Variants in RGS7 observed in about 807,000 individuals in gnomAD.
RGS7 encodes regulator of G protein signaling 7, also known as regulator of G-protein signaling 7.
A neutral mutation model predicts 81.1 loss-of-function variants in RGS7; 27 were observed. The observed-to-expected ratio is 0.33, with a 90% CI of 0.25 to 0.46. The LOEUF is 0.46. Ranked by LOEUF, RGS7 falls within the 20% of genes least tolerant of loss-of-function variation. The pLI is 1.00. For missense variants in RGS7, 396 were observed against 607.4 expected (o/e 0.65, Z 3.66); for synonymous variants, 208 against 207.7 (o/e 1.00, Z -0.01).
intron 2 of RGS7, among the ~76,000 whole-genome samples, chr1:241,189,582 G>A (rs180924109): frequency 1.6e-4 from 24 of 152,246 alleles, no homozygotes; most frequent in Admixed American, 7.9e-4. Context: ...TCAAGTCTTA[G>A]AGCTATTTGC....
At chr1:241,142,461 T>G (rs1298539589) in intron 2 of RGS7, among the ~76,000 whole-genome samples, 1 of 152,188 alleles carries the variant, frequency 6.6e-6, no homozygotes, top group African/African-American at 2.4e-5. Context: ...TTCCCAAACC[T>G]CAATTCTTGA....
intron 3 of RGS7, among the ~76,000 whole-genome samples, chr1:241,093,781 G>A (rs989677036): frequency 6.6e-6 from 1 of 152,026 alleles, no homozygotes; most frequent in East Asian, 1.9e-4. Flanking sequence ...CTCCAGAGTG[G>A]CATTTCATCA....
At chr1:241,073,718 G>C (rs1302439795) in intron 3 of RGS7, among the ~76,000 whole-genome samples, 1 of 152,080 alleles carries the variant, frequency 6.6e-6, no homozygotes, top group African/African-American at 2.4e-5. Context: ...ACAGAAACCT[G>C]ATTACAGTCA....
chr1:241,316,451 C>A (rs1440255634), intron 2 of RGS7, among the ~76,000 whole-genome samples: 2 of 152,170 alleles, frequency 1.3e-5, no homozygotes, highest in Non-Finnish European at 2.9e-5. Flanking sequence ...CATAGGGTAG[C>A]CAGTAATCAG....
rs539303506 is a variant in RGS7 at position 241,222,562 on chromosome 1, T to C, written c.79-123800A>G. On this transcript the variant is annotated intron_variant, in intron 2 of 18. Transcript: ENST00000440928. ...TTTTCTGGCCTCAAAGCAGAGCTCT[T>C]GAGCTATATAATTATCGTTATTATT... Among the ~76,000 whole-genome samples the C allele has an allele frequency of 1.4e-4, 22 of 152,308 alleles. No individual in the cohort carries two copies. In the South Asian group the frequency reaches 4.6e-3, roughly 32 times the overall value.
chr1:240,882,209 C>G (rs1253781936), intron 6 of RGS7, among the ~76,000 whole-genome samples: 1 of 152,180 alleles, frequency 6.6e-6, no homozygotes, highest in Admixed American at 6.5e-5. Context: ...GCCACCGTGC[C>G]CGGCCTGTGC....
At chr1:240,804,444 A>AT (rs991129440) in intron 15 of RGS7, among the ~76,000 whole-genome samples, 10 of 148,686 alleles carry the variant, frequency 6.7e-5, no homozygotes, top group African/African-American at 2.6e-4. Flanking sequence ...TTACGATCAG[A>AT]TTTTTTTTAA....
intron 2 of RGS7, among the ~76,000 whole-genome samples, chr1:241,117,925 A>G (rs2065983320): frequency 6.6e-6 from 1 of 152,148 alleles, no homozygotes; most frequent in African/African-American, 2.4e-5. Flanking sequence ...GACTAACACA[A>G]TCCTTACCTG....
chr1:240,814,506 A>G (rs1690453579), intron 12 of RGS7, among the ~76,000 whole-genome samples: 1 of 152,218 alleles, frequency 6.6e-6, no homozygotes, highest in Non-Finnish European at 1.5e-5. Flanking sequence ...CTAGACATTT[A>G]AGACAATTAT....
At chr1:241,321,458 G>T (rs1418444835) in intron 2 of RGS7, among the ~76,000 whole-genome samples, 1 of 152,134 alleles carries the variant, frequency 6.6e-6, no homozygotes, top group Non-Finnish European at 1.5e-5. Context: ...CACTCCCACA[G>T]ATAACGAGAT....
At chr1:241,238,856 T>G (rs1431625448) in intron 2 of RGS7, among the ~76,000 whole-genome samples, 2 of 152,068 alleles carry the variant, frequency 1.3e-5, no homozygotes, top group Non-Finnish European at 2.9e-5. Context: ...AATATGGTAA[T>G]ATGACACTAA....
At position 241,133,038 on chromosome 1, in the gene RGS7, G is replaced by A. The variant is rs568048286; in HGVS notation, c.79-34276C>T. On this transcript the variant is annotated intron_variant, in intron 2 of 18. Coordinates refer to ENST00000440928, the MANE Select transcript of RGS7 (RefSeq NM_001364886.1). ...CAGCCTCCCAAAGTGCTGGGATTAC[G>A]GGCCTGAGCCACTGCGCCCGGCAAT... is the stretch of plus-strand genomic sequence containing the variant. Among the ~76,000 whole-genome samples, 119 of 152,098 alleles carry A rather than the reference G, an allele frequency of 7.8e-4. 1 individual carries two copies. Among genetic ancestry groups the A allele is most frequent in the African/African-American group, 2.7e-3 (114 of 41,480 alleles).
At chr1:241,227,875 T>C (rs1055202800) in intron 2 of RGS7, among the ~76,000 whole-genome samples, 3 of 152,228 alleles carry the variant, frequency 2.0e-5, no homozygotes, top group African/African-American at 7.2e-5. Flanking sequence ...TTTCTGAAGG[T>C]AGGTGTTCCC....
chr1:241,105,777 T>C (rs1023612621), intron 2 of RGS7, among the ~76,000 whole-genome samples: 2 of 152,234 alleles, frequency 1.3e-5, no homozygotes, highest in Non-Finnish European at 2.9e-5. Context: ...CGTTTTGTAC[T>C]CTGTAATTCT....
At chr1:241,069,906 C>T (rs2062328538) in intron 3 of RGS7, among the ~76,000 whole-genome samples, 1 of 152,150 alleles carries the variant, frequency 6.6e-6, no homozygotes, top group Non-Finnish European at 1.5e-5. Context: ...CTTATTTGAT[C>T]ATTTAATACT....
chr1:240,780,356 A>G (rs1390839581), intron 18 of RGS7, among the ~76,000 whole-genome samples: 1 of 146,100 alleles, frequency 6.8e-6, no homozygotes, highest in Non-Finnish European at 1.5e-5. Context: ...TGGGAGAATC[A>G]TTTGAATCTG....
At chr1:240,800,753 T>C in intron 17 of RGS7, 32 bp from the exon 18 acceptor site, 1 of 1,368,654 alleles carries the variant, frequency 7.3e-7, no homozygotes, top group Non-Finnish European at 1.0e-6. Flanking sequence ...AGGCTTTAGT[T>C]TGAGCTTACA....
chr1:241,176,330 C>T (rs1572995489), intron 2 of RGS7, among the ~76,000 whole-genome samples: 2 of 152,268 alleles, frequency 1.3e-5, no homozygotes, highest in Admixed American at 6.5e-5. Flanking sequence ...TTTGGAAAGA[C>T]CGAAGCTATC....
At chr1:241,072,506 G>A (rs994018879) in intron 3 of RGS7, among the ~76,000 whole-genome samples, 6 of 151,992 alleles carry the variant, frequency 3.9e-5, no homozygotes, top group East Asian at 1.9e-4. Flanking sequence ...TTTCCCCCTC[G>A]CCCTTCTTGG....
Sources: gnomAD v4.1 joint callset for allele counts (sites outside exome capture counted in the v4.1 genomes callset) on GRCh38, gnomAD v4.1.1 for gene constraint, MANE v1.5 for transcripts, NCBI Gene and HGNC (gene_info 2026-07-23, HGNC 2026-07-21) for gene names.